AXL: variants seen among roughly 807,000 people sequenced by gnomAD.
The protein encoded by AXL is tyrosine-protein kinase receptor UFO.
A neutral mutation model predicts 104.5 loss-of-function variants in AXL; 52 were observed. That is an observed-to-expected ratio of 0.50 (90% CI 0.40 to 0.63). The LOEUF (loss-of-function observed/expected upper bound fraction) is 0.63. Among genes scored for constraint, AXL ranks in the 20% least tolerant of loss-of-function variants. The pLI is 0.00. For synonymous variants in AXL, 455 were observed against 473.7 expected, an observed-to-expected ratio of 0.96 and a Z score of 0.51; for missense variants, 1,024 against 1,188.5, an observed-to-expected ratio of 0.86 and a Z score of 2.04.
intron 12 of AXL, among the ~76,000 whole-genome samples, chr19:41,248,120 C>T (rs547243035): frequency 1.3e-5 from 2 of 152,050 alleles, no homozygotes; most frequent in African/African-American, 4.8e-5. Context: ...GACAGAGATT[C>T]GCCATGTTGC....
chr19:41,238,090 A>G lies in AXL; in HGVS notation c.930A>G (p.Ala310=), dbSNP rs766395828. Residue 310 remains alanine (A), a synonymous_variant, in exon 7 of 20, where the codon GCA becomes GCG. Transcript: ENST00000301178. ...ACACCCCTTATCACATCCGCGTGGCATGCACCAGCAGCCAGGGCCCCTCAT... is the reference window on the plus strand; with the variant it reads ...ACACCCCTTATCACATCCGCGTGGCGTGCACCAGCAGCCAGGGCCCCTCAT... The part of the protein sequence containing the change: ...HPHTPYHIRV[A]CTSSQGPSSW... The G allele has an allele frequency of 1.9e-6, 3 of 1,613,712 alleles. No homozygotes were observed. The highest frequency in any genetic ancestry group is 2.2e-5 in the East Asian group (1 of 44,856).
At position 41,219,405 on chromosome 19, in the gene AXL, T is replaced by C; in HGVS notation, c.13T>C (p.Cys5Arg). MAWRCPRMGRVPLAW... is the reference protein window; with the variant it reads MAWRRPRMGRVPLAW... ...AAGTTTGGCACCCATGGCGTGGCGG[T>C]GCCCCAGGATGGGCAGGGTCCCGCT... The change falls in exon 1 of 20, where the codon TGC becomes CGC. Residue 5 changes from cysteine (C) to arginine (R), a missense_variant. Cys to Arg is a radical substitution (Grantham distance 180). This residue lies in a region of AXL where 124 missense variants were observed against 115.5 expected (regional missense o/e 1.07). Coordinates refer to ENST00000301178, the MANE Select transcript of AXL (RefSeq NM_021913.5). The C allele has an allele frequency of 6.2e-7, 1 of 1,600,566 alleles. No homozygotes were observed. Among genetic ancestry groups the C allele is most frequent in the Non-Finnish European group, 8.5e-7 (1 of 1,174,048 alleles).
chr19:41,221,463 G>A (rs185281523), intron 3 of AXL: 2 of 541,736 alleles, frequency 3.7e-6, no homozygotes, highest in East Asian at 3.2e-5. Flanking sequence ...TATATGTTCT[G>A]GGTGAAAAGA....
chr19:41,256,332 A>G (rs2034451671), intron 17 of AXL, 120 bp from the exon 18 acceptor site: 1 of 1,212,208 alleles, frequency 8.2e-7, no homozygotes. Context: ...TAGGAGACAG[A>G]TCCCCACCCG....
At chr19:41,225,354 C>T (rs1159889896) in intron 4 of AXL, among the ~76,000 whole-genome samples, 3 of 152,158 alleles carry the variant, frequency 2.0e-5, no homozygotes, top group Non-Finnish European at 4.4e-5. Context: ...GAAACCTGGG[C>T]GCATCCAGCT....
intron 6 of AXL, among the ~76,000 whole-genome samples, chr19:41,237,227 C>T (rs933429643): frequency 2.0e-5 from 3 of 152,048 alleles, no homozygotes; most frequent in African/African-American, 4.8e-5. Flanking sequence ...CTCACAGTAT[C>T]GTGCTATTAT....
In AXL at chr19:41,248,596, G is replaced by C. The variant is rs768892185; in HGVS notation, c.1620G>C (p.Lys540Asn). Residue 540 changes from lysine to asparagine, a missense_variant, in exon 13 of 20, where the codon AAG (lysine) becomes AAC (asparagine). Coordinates refer to ENST00000301178, the MANE Select transcript of AXL (RefSeq NM_021913.5). ...ACCGGCACAAGGTGGCCCTGGGGAAGACTCTGGGAGAGGGTGAGTCCCCCG... is the reference window on the plus strand; with the variant it reads ...ACCGGCACAAGGTGGCCCTGGGGAACACTCTGGGAGAGGGTGAGTCCCCCG... Reference protein sequence around the residue: ...MVDRHKVALGKTLGEGEFGAV... With the variant: ...MVDRHKVALGNTLGEGEFGAV... 2.5e-6 allele frequency: 4 copies of C among 1,614,128 alleles called. No homozygotes were observed. The highest frequency in any genetic ancestry group is 3.4e-6 in the Non-Finnish European group (4 of 1,180,002).
Position 41,254,913 on chromosome 19 carries a change from A to G in AXL, c.2036+1205A>G, listed in dbSNP as rs79319657. Among the ~76,000 whole-genome samples, 1,038 of 151,904 alleles carry G rather than the reference A, an allele frequency of 6.8e-3. 7 individuals carry two copies. The highest frequency in any genetic ancestry group is 0.02 in the African/African-American group (819 of 41,410). On this transcript the variant is annotated intron_variant, in intron 17 of 19. Coordinates refer to ENST00000301178, the MANE Select transcript of AXL (RefSeq NM_021913.5). ...TGGGCAACAGGGCAAGATCCCATCT[A>G]AAAAAAAATTGATGTATATTTTACA...
In AXL at chr19:41,243,604, C is replaced by A; in HGVS notation, c.1446-12C>A. 1 of 1,610,076 alleles carries A rather than the reference C, an allele frequency of 6.2e-7. No individual in the cohort carries two copies. The stretch of plus-strand genomic sequence containing the variant: ...TTTTTCCCTGCCCTCACCTACTCCC[C>A]CTCCCCCCCAGAGAAGTGTTTGAAC... On this transcript the variant is annotated splice_polypyrimidine_tract_variant and intron_variant, in intron 11 of 19. Transcript: ENST00000301178.
In AXL at chr19:41,220,462, G is replaced by A. The variant is rs776170724; in HGVS notation, c.86-174G>A. The stretch of plus-strand genomic sequence containing the variant: ...ATCCCAGTCCCTTGGGAGGGCTCCC[G>A]TCCTCCTCTCAGAGCCTCCGCCCTC... On this transcript the variant is annotated intron_variant, in intron 1 of 19. Coordinates refer to ENST00000301178, the MANE Select transcript of AXL (RefSeq NM_021913.5). 55 of 603,984 alleles carry A rather than the reference G, an allele frequency of 9.1e-5. 1 individual carries two copies. Among genetic ancestry groups the A allele is most frequent in the South Asian group, 1.4e-4 (7 of 50,194 alleles). The allele number at this position is 603,984 out of a possible 1,614,324, so 37.4% of individuals were successfully genotyped here.
At chr19:41,222,578 G>T (rs1437446032) in intron 4 of AXL, among the ~76,000 whole-genome samples, 3 of 152,330 alleles carry the variant, frequency 2.0e-5, no homozygotes, top group South Asian at 2.1e-4. Flanking sequence ...CCCCACTGGG[G>T]AGATGGAACC....
chr19:41,259,729 C>T lies in AXL; in HGVS notation c.2510C>T (p.Ala837Val). 6.2e-7 allele frequency: 1 copy of T among 1,614,094 alleles called. No homozygotes were observed. The highest frequency in any genetic ancestry group is 1.7e-5 in the Admixed American group (1 of 60,014). ...GGTTATCCTGAACCCCCTGGAGCTGCAGGAGGAGCTGACCCCCCAACCCAG... is the reference window on the plus strand; with the variant it reads ...GGTTATCCTGAACCCCCTGGAGCTGTAGGAGGAGCTGACCCCCCAACCCAG... ...GGGYPEPPGA[A>V]GGADPPTQPD... Residue 837 changes from alanine (A) to valine (V), a missense_variant, in exon 20 of 20, where the codon GCA becomes GTA. Around this residue, in one of 5 missense-constraint regions of AXL, gnomAD observed 523 missense variants for 636.0 expected, o/e 0.82. Coordinates refer to ENST00000301178, the MANE Select transcript of AXL (RefSeq NM_021913.5).
chr19:41,229,096 C>A (rs1357257373), intron 4 of AXL, among the ~76,000 whole-genome samples: 2 of 151,294 alleles, frequency 1.3e-5, no homozygotes, highest in African/African-American at 2.4e-5. Context: ...ATTAAAGGGG[C>A]CTGCCACTAT....
intron 4 of AXL, among the ~76,000 whole-genome samples, chr19:41,226,322 A>G (rs1467163175): frequency 6.6e-6 from 1 of 152,122 alleles, no homozygotes; most frequent in Non-Finnish European, 1.5e-5. Flanking sequence ...CCCACGTGCC[A>G]GGTGGCTGGA....
At chr19:41,256,224 C>T (rs1367557883) in intron 17 of AXL, among the ~76,000 whole-genome samples, 1 of 152,088 alleles carries the variant, frequency 6.6e-6, no homozygotes, top group Non-Finnish European at 1.5e-5. Context: ...TAGCAAAGAG[C>T]CAAAATTGGG....
intron 17 of AXL, among the ~76,000 whole-genome samples, chr19:41,256,080 G>GGGGTGTGTGTGTGTGTGTGTGTGTGT (rs71334980): frequency 8.0e-5 from 12 of 150,508 alleles, no homozygotes; most frequent in African/African-American, 2.4e-4. Flanking sequence ...TGGTTACATG[G>GGGGTGTGTGTGTGTGTGTGTGTGTGT]GTGTGTGTGT....
intron 17 of AXL, among the ~76,000 whole-genome samples, chr19:41,254,507 C>T (rs532284448): frequency 2.7e-5 from 4 of 149,578 alleles, no homozygotes; most frequent in South Asian, 2.1e-4. Context: ...GTAACAACAA[C>T]GAGACACCAT....
chr19:41,243,721 AT>A lies in AXL; in HGVS notation c.1537+15del. On this transcript the variant is annotated intron_variant, in intron 12 of 19. Coordinates refer to ENST00000301178, the MANE Select transcript of AXL (RefSeq NM_021913.5). The stretch of plus-strand genomic sequence containing the variant: ...CTGAAGCTACCTGTAAGTGAACCCT[AT>A]GCCCCACTGCCCTGGCCTGGATCTA... The A allele has an allele frequency of 6.2e-7, 1 of 1,607,604 alleles. No individual in the cohort carries two copies. The highest frequency in any genetic ancestry group is 8.5e-7 in the Non-Finnish European group (1 of 1,174,114).
intron 14 of AXL, 21 bp from the exon 15 acceptor site, chr19:41,252,330 G>A (rs566630072): frequency 4.7e-5 from 75 of 1,610,790 alleles, no homozygotes; most frequent in South Asian, 1.8e-4. Context: ...TCCTCCTCAC[G>A]ACCTTTCTCT....
Sources: allele counts gnomAD v4.1 joint callset (sites outside exome capture counted in the v4.1 genomes callset), GRCh38; gene constraint gnomAD v4.1.1; regional missense constraint gnomAD v4.1.1; transcripts MANE v1.5; gene names NCBI Gene and HGNC (gene_info 2026-07-23, HGNC 2026-07-21).